TXLNB: variants seen among roughly 807,000 people sequenced by gnomAD.
TXLNB encodes beta-taxilin.
In TXLNB, 37 loss-of-function variants were observed where a neutral mutation model predicts 57.4. The ratio of observed to expected loss-of-function variants is 0.64; its 90% CI spans 0.50 to 0.85. The LOEUF (loss-of-function observed/expected upper bound fraction) is 0.85, where lower values mean the gene tolerates loss of function less well. Ranked by LOEUF, TXLNB falls within the 40% of genes least tolerant of loss-of-function variation. The probability of loss-of-function intolerance (pLI) is 0.00; values close to 1 mark genes in which losing one functional copy is unlikely to be tolerated. For synonymous variants in TXLNB, 302 were observed against 309.6 expected, an observed-to-expected ratio of 0.98 and a Z score of 0.26; for missense variants, 848 against 825.6, an observed-to-expected ratio of 1.03 and a Z score of -0.33.
chr6:139,232,509 T>C, the TXLNB span, among the ~76,000 whole-genome samples: 2 of 152,226 alleles, frequency 1.3e-5, no homozygotes, highest in East Asian at 3.8e-4. Flanking sequence ...TTCTATAAAC[T>C]TGAACTCTGA....
At chr6:139,255,536 C>T (rs751529743) in intron 7 of TXLNB, 28 bp downstream of exon 7, 1 of 1,605,314 alleles carries the variant, frequency 6.2e-7, no homozygotes, top group East Asian at 2.2e-5. Flanking sequence ...GAGGACAGCA[C>T]CCCCATGCCT....
intron 2 of TXLNB, among the ~76,000 whole-genome samples, chr6:139,280,265 A>AAG (rs1554227036): frequency 6.7e-6 from 1 of 149,246 alleles, no homozygotes; most frequent in African/African-American, 2.5e-5. Flanking sequence ...AAAAAAAAAA[A>AAG]AAAAAAAAAA....
At chr6:139,247,203 C>T (rs185534395) in intron 8 of TXLNB, among the ~76,000 whole-genome samples, 206 of 152,162 alleles carry the variant, frequency 1.4e-3, no homozygotes, top group Middle Eastern at 6.8e-3. Flanking sequence ...AGTGCAGTGG[C>T]GTGATCTCAC....
the TXLNB span, among the ~76,000 whole-genome samples, chr6:139,176,365 T>G: frequency 6.6e-6 from 1 of 152,202 alleles, no homozygotes; most frequent in Admixed American, 6.5e-5. The surrounding 1 kb of genome is among the most constrained non-coding windows in gnomAD (Gnocchi z 4.5). Context: ...TCTGTTTTAT[T>G]TATAATTTGT....
chr6:139,190,520 A>G, the TXLNB span, among the ~76,000 whole-genome samples: 2 of 152,062 alleles, frequency 1.3e-5, no homozygotes, highest in Non-Finnish European at 2.9e-5. Flanking sequence ...CACATTGGCT[A>G]GGCTGGTCTG....
At chr6:139,220,007 G>T in the TXLNB span, among the ~76,000 whole-genome samples, 443 of 152,240 alleles carry the variant, frequency 2.9e-3, 2 homozygotes, top group Non-Finnish European at 4.2e-3. Flanking sequence ...GACTGACTGT[G>T]TCCCCCTCAA....
chr6:139,203,998 T>C, the TXLNB span, among the ~76,000 whole-genome samples: 1 of 152,186 alleles, frequency 6.6e-6, no homozygotes, highest in Non-Finnish European at 1.5e-5. Context: ...AGTGCATCTC[T>C]CTATTCTCTG....
chr6:139,309,579 A>C, the TXLNB span, among the ~76,000 whole-genome samples: 1 of 152,124 alleles, frequency 6.6e-6, no homozygotes, highest in African/African-American at 2.4e-5. Flanking sequence ...TCCAAACTAC[A>C]CACTTAGTAA....
chr6:139,162,714 A>C, the TXLNB span, among the ~76,000 whole-genome samples: 1 of 152,212 alleles, frequency 6.6e-6, no homozygotes, highest in African/African-American at 2.4e-5. Flanking sequence ...TATAGGCTTT[A>C]TGGGTCCACA....
chr6:139,302,738 C>T, the TXLNB span, among the ~76,000 whole-genome samples: 9 of 151,186 alleles, frequency 6.0e-5, no homozygotes, highest in African/African-American at 2.2e-4. Context: ...GAGCTGAGAT[C>T]GCACCATTGC....
At chr6:139,226,000 G>C in the TXLNB span, among the ~76,000 whole-genome samples, 1 of 151,994 alleles carries the variant, frequency 6.6e-6, no homozygotes, top group African/African-American at 2.4e-5. Flanking sequence ...ATAGAGTTTA[G>C]AAAAAAGACA....
rs535467793 is a variant in TXLNB, at chr6:139,263,133, T to G, written c.688-360A>C. ...TGAAAAAAAGGCCACTTGAGTTTAC[T>G]GATGGATGAGACAGATCATGTGTTT... On this transcript the variant is annotated intron_variant, in intron 4 of 9. Transcript: ENST00000358430. 4.4e-4 allele frequency among the ~76,000 whole-genome samples: 67 copies of G among 152,364 alleles called. No homozygotes were observed. In the Middle Eastern group the frequency reaches 0.014, roughly 31 times the overall value.
the TXLNB span, among the ~76,000 whole-genome samples, chr6:139,193,789 G>T: frequency 1.3e-5 from 2 of 148,406 alleles, no homozygotes; most frequent in East Asian, 3.9e-4. Flanking sequence ...GAGTAGCTGG[G>T]ATTACAGGTG....
At chr6:139,218,076 G>A in the TXLNB span, among the ~76,000 whole-genome samples, 1 of 152,102 alleles carries the variant, frequency 6.6e-6, no homozygotes, top group Non-Finnish European at 1.5e-5. Flanking sequence ...CACGGTGGCT[G>A]AAGCATTAGT....
chr6:139,294,484 G>A (rs954962741), upstream of TXLNB, among the ~76,000 whole-genome samples: 5 of 152,036 alleles, frequency 3.3e-5, no homozygotes, highest in Admixed American at 1.3e-4. Flanking sequence ...GGTATGAGGA[G>A]GTGGGGCCTT....
chr6:139,254,509 C>G (rs1448196945), intron 7 of TXLNB, among the ~76,000 whole-genome samples: 1 of 152,164 alleles, frequency 6.6e-6, no homozygotes. Flanking sequence ...AAGTCTGTGG[C>G]CTGTGGCAGG....
At chr6:139,281,970 G>A (rs1172958829) in intron 2 of TXLNB, among the ~76,000 whole-genome samples, 1 of 151,676 alleles carries the variant, frequency 6.6e-6, no homozygotes, top group Non-Finnish European at 1.5e-5. Flanking sequence ...TCAGAAGAGA[G>A]TACTAATAAT....
At chr6:139,236,158 G>GT (rs1260834253), downstream of TXLNB, among the ~76,000 whole-genome samples, 1 of 152,140 alleles carries the variant, frequency 6.6e-6, no homozygotes, top group Non-Finnish European at 1.5e-5. Flanking sequence ...GTACACTAAG[G>GT]TAAGAACCCA....
At chr6:139,286,634 G>A (rs1190027606) in intron 2 of TXLNB, among the ~76,000 whole-genome samples, 8 of 152,180 alleles carry the variant, frequency 5.3e-5, no homozygotes, top group Admixed American at 4.6e-4. Context: ...TGAGTGGCAG[G>A]CGACAGAGCA....
Sources: gnomAD v4.1 joint callset for allele counts (sites outside exome capture counted in the v4.1 genomes callset) on GRCh38, gnomAD v4.1.1 for gene constraint, Gnocchi (gnomAD v3.1) non-coding constraint, MANE v1.5 for transcripts, NCBI Gene and HGNC (gene_info 2026-07-23, HGNC 2026-07-21) for gene names.